SGCD: variants seen among roughly 807,000 people sequenced by gnomAD.
SGCD encodes the protein sarcoglycan delta.
In SGCD, 18 loss-of-function variants were observed where a neutral mutation model predicts 36.6. That is an observed-to-expected ratio of 0.49 (90% confidence interval 0.34 to 0.73). The LOEUF is 0.73. Among genes scored for constraint, SGCD ranks in the 30% least tolerant of loss-of-function variants. The pLI is 0.01. For synonymous variants in SGCD, 133 were observed against 130.6 expected (o/e 1.02, Z -0.12); for missense variants, 387 against 346.7 (o/e 1.12, Z -0.92).
intron 3 of SGCD, among the ~76,000 whole-genome samples, chr5:156,233,504 A>C (rs1765074925): frequency 6.6e-6 from 1 of 152,154 alleles, no homozygotes; most frequent in Non-Finnish European, 1.5e-5. Flanking sequence ...CAAAGTGGAG[A>C]GGGTGTTTAA....
intron 4 of SGCD, among the ~76,000 whole-genome samples, chr5:156,545,472 G>A (rs1758533695): frequency 6.6e-6 from 1 of 151,870 alleles, no homozygotes; most frequent in African/African-American, 2.4e-5. Context: ...ATGGACGGGA[G>A]TCGGGGTTGG....
At chr5:156,267,668 T>C (rs1419537402) in intron 3 of SGCD, among the ~76,000 whole-genome samples, 1 of 152,070 alleles carries the variant, frequency 6.6e-6, no homozygotes, top group African/African-American at 2.4e-5. Flanking sequence ...TGATACACAC[T>C]TCTGCAAGAA....
At chr5:156,567,480 G>A (rs576721474) in intron 4 of SGCD, among the ~76,000 whole-genome samples, 2 of 152,172 alleles carry the variant, frequency 1.3e-5, no homozygotes, top group Non-Finnish European at 2.9e-5. Context: ...TATGCAGGGT[G>A]AGCCAGCAGG....
chr5:156,348,791 C>G (rs1343573886), intron 3 of SGCD, among the ~76,000 whole-genome samples: 1 of 151,812 alleles, frequency 6.6e-6, no homozygotes, highest in East Asian at 1.9e-4. Flanking sequence ...TCCAAATGGC[C>G]AAAGTAATTC....
At chr5:155,769,947 C>A in the SGCD span, among the ~76,000 whole-genome samples, 3 of 152,084 alleles carry the variant, frequency 2.0e-5, no homozygotes, top group African/African-American at 7.2e-5. Context: ...ATGCTTTGTA[C>A]CTTTTCTCTT....
At chr5:156,397,906 T>G (rs1771948628) in intron 3 of SGCD, among the ~76,000 whole-genome samples, 1 of 152,160 alleles carries the variant, frequency 6.6e-6, no homozygotes, top group Admixed American at 6.5e-5. Flanking sequence ...TCTTGCCTAT[T>G]GAAAAACGGG....
chr5:156,444,846 A>C (rs2127800034), intron 3 of SGCD, among the ~76,000 whole-genome samples: 1 of 152,304 alleles, frequency 6.6e-6, no homozygotes, highest in Admixed American at 6.5e-5. Flanking sequence ...TCTATAACCA[A>C]GAATGCTCCA....
chr5:155,795,839 G>A, the SGCD span, among the ~76,000 whole-genome samples: 5 of 152,178 alleles, frequency 3.3e-5, no homozygotes, highest in Non-Finnish European at 7.4e-5. Flanking sequence ...ACAGCTGCTA[G>A]AGTTTTTTAA....
intron 3 of SGCD, among the ~76,000 whole-genome samples, chr5:156,186,210 G>T (rs1763756876): frequency 1.3e-5 from 2 of 151,956 alleles, no homozygotes; most frequent in African/African-American, 4.8e-5. Context: ...GAAACATTCT[G>T]GTGCAAAGTG....
At chr5:156,460,348 A>G (rs767599812) in intron 3 of SGCD, among the ~76,000 whole-genome samples, 2 of 152,234 alleles carry the variant, frequency 1.3e-5, no homozygotes, top group African/African-American at 2.4e-5. Flanking sequence ...AATTTTAGAC[A>G]TGAAATCAAG....
At chr5:156,620,371 T>C (rs1018057096) in intron 6 of SGCD, among the ~76,000 whole-genome samples, 7 of 152,260 alleles carry the variant, frequency 4.6e-5, no homozygotes, top group African/African-American at 7.2e-5. Context: ...CAAAAGTTCC[T>C]CTTTAAAAGT....
chr5:156,670,524 T>G (rs1304190257), intron 7 of SGCD, among the ~76,000 whole-genome samples: 3 of 152,224 alleles, frequency 2.0e-5, no homozygotes, highest in Non-Finnish European at 4.4e-5. Flanking sequence ...TAATTACCCC[T>G]TTCATGATCC....
intron 1 of SGCD, among the ~76,000 whole-genome samples, chr5:155,933,923 A>G (rs779021137): frequency 7.2e-5 from 11 of 152,236 alleles, no homozygotes; most frequent in Non-Finnish European, 1.5e-4. Context: ...CACAGAATTA[A>G]GGAAAAGCTA....
the SGCD span, among the ~76,000 whole-genome samples, chr5:155,856,477 A>G: frequency 1.3e-4 from 20 of 152,228 alleles, no homozygotes; most frequent in African/African-American, 4.8e-4. Flanking sequence ...ACCTCTAAGT[A>G]CATGCTGCCT....
At chr5:156,417,730 C>T (rs1164565015) in intron 3 of SGCD, among the ~76,000 whole-genome samples, 1 of 152,088 alleles carries the variant, frequency 6.6e-6, no homozygotes, top group Admixed American at 6.5e-5. Context: ...TAATCAACTT[C>T]TCAGAAGCCC....
Position 156,444,130 on chromosome 5 carries a change from CTCTCTCTCCTTCCCTT to C in SGCD, c.193-64462_193-64447del, listed in dbSNP as rs1283240806. On this transcript the variant is annotated intron_variant, in intron 3 of 8. Coordinates refer to ENST00000337851, the MANE Select transcript of SGCD (RefSeq NM_000337.6). ...TCTCTCTCTCTCCCCTTCCCTCTCT[CTCTCTCTCCTTCCCTT>C]TCTCTCTCTCCTTCCCTCTCTCTCT... Among the ~76,000 whole-genome samples, 285 of 127,394 alleles carry C rather than the reference CTCTCTCTCCTTCCCTT, an allele frequency of 2.2e-3. 17 individuals are homozygous for C. Among genetic ancestry groups the C allele is most frequent in the South Asian group, 5.1e-3 (16 of 3,158 alleles). 83.6% of individuals were successfully genotyped at this position (127,394 alleles called of 152,430 possible).
chr5:156,543,236 G>A (rs528135232), intron 4 of SGCD, among the ~76,000 whole-genome samples: 1 of 152,284 alleles, frequency 6.6e-6, no homozygotes, highest in African/African-American at 2.4e-5. Flanking sequence ...TGTGCCAGTA[G>A]TACCCCCCAT....
chr5:156,220,413 G>A (rs1024752670), intron 3 of SGCD, among the ~76,000 whole-genome samples: 1 of 152,102 alleles, frequency 6.6e-6, no homozygotes, highest in South Asian at 2.1e-4. Flanking sequence ...AGCTTTTTCT[G>A]ACTTTATAAA....
At chr5:155,842,273 C>CA in the SGCD span, among the ~76,000 whole-genome samples, 64 of 139,372 alleles carry the variant, frequency 4.6e-4, no homozygotes, top group African/African-American at 1.2e-3. Flanking sequence ...TTCTAATAGC[C>CA]AAAAAAAAGA....
Sources: gnomAD v4.1 joint callset for allele counts (sites outside exome capture counted in the v4.1 genomes callset) on GRCh38, gnomAD v4.1.1 for gene constraint, MANE v1.5 for transcripts, NCBI Gene and HGNC (gene_info 2026-07-23, HGNC 2026-07-21) for gene names.